Variants in TNS3 observed in about 807,000 individuals in gnomAD.
The protein encoded by TNS3 is tensin 3, also known as tensin-3.
In TNS3, 45 loss-of-function variants were observed where a neutral mutation model predicts 140.9. That is an observed-to-expected ratio of 0.32 (90% CI 0.25 to 0.41). TNS3 has a LOEUF of 0.41. TNS3 is among the 10% of genes least tolerant of loss of function. TNS3 has a pLI of 1.00. For synonymous variants in TNS3, 815 were observed against 788.4 expected, an observed-to-expected ratio of 1.03 and a Z score of -0.56; for missense variants, 1,716 against 1,906.7, an observed-to-expected ratio of 0.90 and a Z score of 1.86.
At chr7:47,461,934 C>G (rs887508353) in intron 4 of TNS3, among the ~76,000 whole-genome samples, 1 of 152,132 alleles carries the variant, frequency 6.6e-6, no homozygotes, top group African/African-American at 2.4e-5. Flanking sequence ...CTCTGAGGAA[C>G]CCCAAATGGG....
rs1281965825 is a variant in TNS3, at chr7:47,580,510, C to T, written c.-265+1541G>A. ...CCTGTCAATTCCCTGTGTACACACC[C>T]CCCACCCCCTGTGCTACCACACCCC... On this transcript the variant is annotated intron_variant, in intron 1 of 30. Transcript: ENST00000311160. 1.6e-4 allele frequency among the ~76,000 whole-genome samples: 24 copies of T among 149,678 alleles called. 1 individual carries two copies. Among genetic ancestry groups the T allele is most frequent in the Non-Finnish European group, 3.1e-4 (21 of 67,524 alleles).
At chr7:47,556,011 C>T (rs145245657) in intron 1 of TNS3, among the ~76,000 whole-genome samples, 39 of 152,282 alleles carry the variant, frequency 2.6e-4, no homozygotes, top group Admixed American at 4.6e-4. Context: ...CATGCATGCA[C>T]GGTATACATG....
intron 20 of TNS3, among the ~76,000 whole-genome samples, chr7:47,328,281 G>A (rs532697638): frequency 3.9e-5 from 6 of 152,326 alleles, no homozygotes; most frequent in South Asian, 2.1e-4. Context: ...TGTCGCGGGC[G>A]GCCTGCCCAG....
intron 7 of TNS3, 68 bp from the exon 8 acceptor site, chr7:47,435,472 A>T: frequency 6.3e-7 from 1 of 1,598,558 alleles, no homozygotes; most frequent in Admixed American, 1.7e-5. Context: ...TCTCACAATG[A>T]CTTCTTTCAT....
rs112067281 is a variant in TNS3 at position 47,369,170 on chromosome 7, G to A, written c.1476C>T (p.Ser492=). ...CTTCCGAGGAGGACAGGGTCCCAAG[G>A]CTGTCCACACTGTGCAGGTCGTGGT... ...MPHHDLHSVD[S]LGTLSSSEGP... is the part of the protein sequence containing the mutation. The change falls in exon 17 of 31, where the codon AGC becomes AGT. Residue 492 remains serine, a synonymous_variant. Coordinates refer to ENST00000311160, the MANE Select transcript of TNS3 (RefSeq NM_022748.12). 4.4e-4 allele frequency: 709 copies of A among 1,614,144 alleles called. 2 individuals are homozygous for A. Among genetic ancestry groups the A allele is most frequent in the Non-Finnish European group, 4.9e-4 (581 of 1,180,034 alleles).
chr7:47,530,325 CCAACG>C lies in TNS3; in HGVS notation c.-264-1183_-264-1179del, dbSNP rs1212556765. Among the ~76,000 whole-genome samples, 12 of 152,182 alleles carry C rather than the reference CCAACG, an allele frequency of 7.9e-5. No homozygotes were observed. The East Asian group carries it at 2.1e-3, about 27-fold the overall frequency. On this transcript the variant is annotated intron_variant, in intron 1 of 30. Coordinates refer to ENST00000311160, the MANE Select transcript of TNS3 (RefSeq NM_022748.12). ...TTGAAGACATCACAGTACGAACCTC[CCAACG>C]CAAAGCACACAGAGATGAGACAACC... is the stretch of plus-strand genomic sequence containing the variant.
chr7:47,364,367 C>T (rs1223933203), intron 17 of TNS3, among the ~76,000 whole-genome samples: 1 of 147,834 alleles, frequency 6.8e-6, no homozygotes, highest in Non-Finnish European at 1.5e-5. Context: ...ACTGCAATCT[C>T]TGCCTCCTGG....
intron 16 of TNS3, among the ~76,000 whole-genome samples, chr7:47,372,388 A>G (rs1345064272): frequency 3.9e-5 from 6 of 152,220 alleles, no homozygotes; most frequent in Non-Finnish European, 8.8e-5. Flanking sequence ...AATGAGTTGT[A>G]AAACAATTCT....
chr7:47,383,070 G>A (rs1389183967), intron 16 of TNS3, among the ~76,000 whole-genome samples: 11 of 152,220 alleles, frequency 7.2e-5, no homozygotes, highest in African/African-American at 2.4e-4. Context: ...TAGTGGGAAA[G>A]ATTAGAGGTA....
At chr7:47,474,060 T>G (rs1289879575) in intron 4 of TNS3, among the ~76,000 whole-genome samples, 3 of 151,736 alleles carry the variant, frequency 2.0e-5, no homozygotes, top group African/African-American at 7.3e-5. Flanking sequence ...CTTGTTGCTC[T>G]GGTCACTTCC....
chr7:47,446,713 T>TTTA (rs1795756728), intron 4 of TNS3, among the ~76,000 whole-genome samples: 1 of 140,252 alleles, frequency 7.1e-6, no homozygotes, highest in African/African-American at 2.6e-5. Context: ...TTTTTTTTTT[T>TTTA]GAGTCTCACT....
intron 27 of TNS3, among the ~76,000 whole-genome samples, chr7:47,285,718 T>C (rs561950459): frequency 6.7e-4 from 102 of 152,226 alleles, no homozygotes; most frequent in African/African-American, 2.4e-3. Flanking sequence ...TCTGAGGAGA[T>C]TGAGAAAGGA....
In TNS3 at chr7:47,303,353, G is replaced by A. The variant is rs1009696091; in HGVS notation, c.3054C>T (p.Ala1018=). 2.5e-6 allele frequency: 4 copies of A among 1,613,662 alleles called. No individual in the cohort carries two copies. The highest frequency in any genetic ancestry group is 2.2e-5 in the East Asian group (1 of 44,870). ...CTGGGGCGGTGCCGAAGCCCAGGAAGGCCTGGCTGCTGGGAGGCGCCAGGG... is the reference window on the plus strand; with the variant it reads ...CTGGGGCGGTGCCGAAGCCCAGGAAAGCCTGGCTGCTGGGAGGCGCCAGGG... ...PDSLAPPSSQ[A]FLGFGTAPVG... Residue 1018 remains alanine, a synonymous_variant, in exon 22 of 31, where the codon GCC becomes GCT. Coordinates refer to ENST00000311160, the MANE Select transcript of TNS3 (RefSeq NM_022748.12).
At chr7:47,474,496 G>T (rs935957189) in intron 4 of TNS3, among the ~76,000 whole-genome samples, 2 of 135,566 alleles carry the variant, frequency 1.5e-5, no homozygotes, top group Non-Finnish European at 3.2e-5. Flanking sequence ...ACACAACACA[G>T]ACATGTACAC....
chr7:47,499,671 T>C (rs1431289196), intron 3 of TNS3, among the ~76,000 whole-genome samples: 4 of 152,140 alleles, frequency 2.6e-5, no homozygotes, highest in African/African-American at 9.7e-5. Context: ...AAGGCAACAC[T>C]ATGAAGACAG....
chr7:47,428,012 T>A (rs1175986381), intron 9 of TNS3, among the ~76,000 whole-genome samples: 1 of 152,230 alleles, frequency 6.6e-6, no homozygotes, highest in Non-Finnish European at 1.5e-5. Context: ...TTATTTTTTG[T>A]TAGAGAATTC....
At chr7:47,501,891 G>C (rs1170457035) in intron 3 of TNS3, among the ~76,000 whole-genome samples, 1 of 152,170 alleles carries the variant, frequency 6.6e-6, no homozygotes, top group African/African-American at 2.4e-5. Context: ...GAGAGAAATA[G>C]AGATGCAGCC....
At chr7:47,304,806 C>G in intron 21 of TNS3, 26 bp downstream of exon 21, 1 of 1,345,766 alleles carries the variant, frequency 7.4e-7, no homozygotes, top group Non-Finnish European at 9.6e-7. Flanking sequence ...GGAACTTGTG[C>G]CAAGTTTAAA....
intron 4 of TNS3, among the ~76,000 whole-genome samples, chr7:47,474,396 T>TAAGCAACACATACACAAAAC (rs1797088955): frequency 7.9e-6 from 1 of 125,934 alleles, no homozygotes; most frequent in Non-Finnish European, 1.6e-5. Context: ...ATACACAAAA[T>TAAGCAACACATACACAAAAC]AAGCAACACA....
Sources: allele counts gnomAD v4.1 joint callset (sites outside exome capture counted in the v4.1 genomes callset), GRCh38; gene constraint gnomAD v4.1.1; transcripts MANE v1.5; gene names NCBI Gene and HGNC (gene_info 2026-07-23, HGNC 2026-07-21).